OSBPL6: variants seen among roughly 807,000 people sequenced by gnomAD.
OSBPL6 encodes the protein oxysterol-binding protein-related protein 6.
Under a neutral mutation model 125.8 loss-of-function variants are expected in OSBPL6, and 49 were observed. That is an observed-to-expected ratio of 0.39 (90% CI 0.31 to 0.49). The LOEUF (loss-of-function observed/expected upper bound fraction) is 0.49. OSBPL6 is among the 20% of genes least tolerant of loss of function. The pLI, the probability that OSBPL6 is intolerant of heterozygous loss-of-function variation, is 0.88. For synonymous variants in OSBPL6, 394 were observed against 391.8 expected (o/e 1.01, Z -0.07); for missense variants, 986 against 1,135.4 (o/e 0.87, Z 1.89).
intron 23 of OSBPL6, 108 bp downstream of exon 23, chr2:178,392,646 A>C: frequency 7.2e-7 from 1 of 1,385,412 alleles, no homozygotes; most frequent in Middle Eastern, 2.6e-4. Flanking sequence ...ACTTGAGGTC[A>C]GGAATTCAAG....
At chr2:178,323,993 G>A (rs1688477869) in intron 3 of OSBPL6, among the ~76,000 whole-genome samples, 184 bp from the exon 4 acceptor site, 1 of 152,202 alleles carries the variant, frequency 6.6e-6, no homozygotes, top group Non-Finnish European at 1.5e-5. Flanking sequence ...ATCTAGAAGA[G>A]GAGGGGAAAA....
At position 178,348,088 on chromosome 2, in the gene OSBPL6, A is replaced by C. The variant is rs574551263; in HGVS notation, c.988-1136A>C. ...GTGTCCTCTAAATCCTTGGAGAAAA[A>C]GTGCCCTCTTCTCCTTCCCCCTTTC... On this transcript the variant is annotated intron_variant, in intron 11 of 24. Coordinates refer to ENST00000190611, the MANE Select transcript of OSBPL6 (RefSeq NM_032523.4). Among the ~76,000 whole-genome samples, 5 of 152,296 alleles carry C rather than the reference A, an allele frequency of 3.3e-5. No individual in the cohort carries two copies. The East Asian group carries it at 9.6e-4, about 29-fold the overall frequency.
At chr2:178,211,057 G>C (rs974035934) in intron 1 of OSBPL6, among the ~76,000 whole-genome samples, 2 of 152,102 alleles carry the variant, frequency 1.3e-5, no homozygotes, top group Non-Finnish European at 1.5e-5. Context: ...CAAGGCAGGA[G>C]GATCAGAAGT....
chr2:178,379,944 C>T (rs1694306623), intron 15 of OSBPL6, among the ~76,000 whole-genome samples: 1 of 152,162 alleles, frequency 6.6e-6, no homozygotes, highest in South Asian at 2.1e-4. Flanking sequence ...CTTCTCAACC[C>T]TAATTTTTAA....
intron 1 of OSBPL6, among the ~76,000 whole-genome samples, chr2:178,208,242 T>A (rs2089642004): frequency 6.7e-6 from 1 of 148,858 alleles, no homozygotes; most frequent in Admixed American, 6.8e-5. Context: ...GCCAAGATCG[T>A]GCCACTGCAC....
rs998377382 is a variant in OSBPL6, at chr2:178,385,993, G to C, written c.2077+472G>C. Among the ~76,000 whole-genome samples, 37 of 152,206 alleles carry C rather than the reference G, an allele frequency of 2.4e-4. 1 individual carries two copies. Among genetic ancestry groups the C allele is most frequent in the Admixed American group, 2.2e-3 (33 of 15,280 alleles). On this transcript the variant is annotated intron_variant, in intron 19 of 24. Transcript: ENST00000190611. ...CTGGGGCTCCAGAGTTTGGATTGAA[G>C]TCTCTACTGAGTTAAGTCAGAATGT...
chr2:178,381,356 G>A (rs1007388204), intron 15 of OSBPL6, among the ~76,000 whole-genome samples: 1 of 151,848 alleles, frequency 6.6e-6, no homozygotes, highest in Non-Finnish European at 1.5e-5. Flanking sequence ...AATCTAAGCC[G>A]TATTTCTTTT....
rs1447863551 is a variant in OSBPL6, at chr2:178,306,070, C to G, written c.-115C>G. On this transcript the variant is annotated 5_prime_UTR_variant, in exon 3 of 25. Transcript: ENST00000190611. Reference sequence around the variant, plus strand: ...TCAATATTGCCTGCTCTTTTCTAGTCAAACCTGATTCATGAAATGGAATGA... The same window carrying G: ...TCAATATTGCCTGCTCTTTTCTAGTGAAACCTGATTCATGAAATGGAATGA... 1.4e-6 allele frequency: 1 copy of G among 700,868 alleles called. No individual in the cohort carries two copies. The allele number at this position is 700,868 out of a possible 1,614,324, so 43.4% of individuals were successfully genotyped here. A position where few individuals can be genotyped will look rare whatever the true frequency, so the allele number is the denominator to read the frequency against.
At chr2:178,391,370 A>G (rs919772378) in intron 22 of OSBPL6, among the ~76,000 whole-genome samples, 153 bp downstream of exon 22, 7 of 152,258 alleles carry the variant, frequency 4.6e-5, no homozygotes, top group Admixed American at 3.3e-4. Flanking sequence ...TTACATTCAT[A>G]CTTAACATAG....
intron 1 of OSBPL6, among the ~76,000 whole-genome samples, chr2:178,275,757 A>G (rs2092457246): frequency 6.6e-6 from 1 of 151,478 alleles, no homozygotes; most frequent in Non-Finnish European, 1.5e-5. Context: ...AAGAGGAACC[A>G]GTAAAGCTGA....
intron 2 of OSBPL6, among the ~76,000 whole-genome samples, chr2:178,299,646 A>T (rs1029516538): frequency 6.6e-6 from 1 of 152,220 alleles, no homozygotes; most frequent in Admixed American, 6.5e-5. Flanking sequence ...TTGCCAAGTC[A>T]TTAAAAATCC....
upstream of OSBPL6, chr2:178,194,373 C>G (rs2088713332): frequency 6.6e-6 from 1 of 152,064 alleles, no homozygotes. Context: ...GCTTGCCGCT[C>G]CACTCCAGCC....
Position 178,384,053 on chromosome 2 carries a change from A to G in OSBPL6, c.1890A>G (p.Ala630=). 2 of 1,613,842 alleles carry G rather than the reference A, an allele frequency of 1.2e-6. No individual in the cohort carries two copies. Among genetic ancestry groups the G allele is most frequent in the Non-Finnish European group, 1.7e-6 (2 of 1,179,772 alleles). ...TGTTTTAACAGGTTCTCGTTGCCGCATTTGCAGTTTCAGGATACTGCTCCA... is the reference window on the plus strand; with the variant it reads ...TGTTTTAACAGGTTCTCGTTGCCGCGTTTGCAGTTTCAGGATACTGCTCCA... The part of the protein sequence containing the change: ...DPYERMVLVA[A]FAVSGYCSTY... The change falls in exon 18 of 25, where the codon GCA becomes GCG. Residue 630 remains alanine (A), a synonymous_variant. Transcript: ENST00000190611.
intron 13 of OSBPL6, among the ~76,000 whole-genome samples, chr2:178,366,170 G>T (rs1374998277): frequency 6.6e-6 from 1 of 152,204 alleles, no homozygotes; most frequent in African/African-American, 2.4e-5. Context: ...GGGATTATAG[G>T]CATGAACCAC....
rs563665625 is a variant in OSBPL6, at chr2:178,380,535, A to T, written c.1534-1885A>T. 1.6e-4 allele frequency among the ~76,000 whole-genome samples: 25 copies of T among 151,582 alleles called. No homozygotes were observed. The South Asian group carries it at 4.6e-3, about 28-fold the overall frequency. ...AATACTAAAAAAGATGGATAGTGTA[A>T]AGTGTTTAAGTGGATGTGGAAAGAT... On this transcript the variant is annotated intron_variant, in intron 15 of 24. Coordinates refer to ENST00000190611, the MANE Select transcript of OSBPL6 (RefSeq NM_032523.4).
chr2:178,234,531 A>G (rs913443674), intron 1 of OSBPL6, among the ~76,000 whole-genome samples: 2 of 152,198 alleles, frequency 1.3e-5, no homozygotes, highest in African/African-American at 4.8e-5. Flanking sequence ...GTTTCCCCCA[A>G]AGGTAACATC....
At chr2:178,376,222 G>A (rs964893535) in intron 15 of OSBPL6, among the ~76,000 whole-genome samples, 7 of 152,002 alleles carry the variant, frequency 4.6e-5, no homozygotes, top group Admixed American at 2.6e-4. Flanking sequence ...AATTCAGCAC[G>A]TCCCAAAAGA....
At chr2:178,375,886 G>C (rs1693834635) in intron 15 of OSBPL6, among the ~76,000 whole-genome samples, 1 of 152,190 alleles carries the variant, frequency 6.6e-6, no homozygotes, top group Non-Finnish European at 1.5e-5. Context: ...CTGGACACTG[G>C]GTATACAGAA....
rs1000832659 is a variant in OSBPL6, at chr2:178,321,381, T to C, written c.103-2796T>C. ...AATCTAGCTAGAGGCCAGGACTGGG[T>C]ATGGTCAGTTTAAACTGTCTTCTTT... On this transcript the variant is annotated intron_variant, in intron 3 of 24. Transcript: ENST00000190611. Among the ~76,000 whole-genome samples the C allele has an allele frequency of 2.0e-5, 3 of 152,236 alleles. No individual in the cohort carries two copies. In the East Asian group the frequency reaches 5.8e-4, roughly 29 times the overall value.
Sources: allele counts gnomAD v4.1 joint callset (sites outside exome capture counted in the v4.1 genomes callset), GRCh38; gene constraint gnomAD v4.1.1; transcripts MANE v1.5; gene names NCBI Gene and HGNC (gene_info 2026-07-23, HGNC 2026-07-21).